CYP4F8: variants seen among roughly 807,000 people sequenced by gnomAD.
The protein encoded by CYP4F8 is cytochrome P450 family 4 subfamily F member 8, also known as cytochrome P450 4F8.
CYP4F8 carries 56 observed loss-of-function variants against 55.0 expected under a neutral mutation model. The observed-to-expected ratio is 1.02, with a 90% CI of 0.82 to 1.27. CYP4F8 has a LOEUF of 1.27. Ranked by LOEUF, CYP4F8 falls within the 50% of genes most tolerant of loss-of-function variation. CYP4F8 has a pLI of 0.00. For synonymous variants in CYP4F8, 288 were observed against 267.3 expected (o/e 1.08, Z -0.76); for missense variants, 680 against 682.4 (o/e 1.00, Z 0.04).
At chr19:15,620,888 ATT>A (rs911733786) in intron 5 of CYP4F8, among the ~76,000 whole-genome samples, 1 of 151,770 alleles carries the variant, frequency 6.6e-6, no homozygotes, top group African/African-American at 2.4e-5. Context: ...AACGACTAGG[ATT>A]TTTTTTTCTC....
chr19:15,622,035 G>T, intron 5 of CYP4F8, 184 bp from the exon 6 acceptor site: 2 of 726,190 alleles, frequency 2.8e-6, no homozygotes, highest in Non-Finnish European at 4.2e-6. Flanking sequence ...CCCAGCCATG[G>T]GATCTTCATC....
chr19:15,616,739 C>T (rs1972127754), intron 2 of CYP4F8, among the ~76,000 whole-genome samples: 1 of 152,158 alleles, frequency 6.6e-6, no homozygotes, highest in Admixed American at 6.5e-5. Flanking sequence ...GTTGCCCAAC[C>T]TGGATAAAAA....
At chr19:15,626,670 A>G (rs1043255443) in intron 9 of CYP4F8, among the ~76,000 whole-genome samples, 4 of 151,576 alleles carry the variant, frequency 2.6e-5, no homozygotes, top group African/African-American at 9.7e-5. Context: ...TGAATCTCTT[A>G]TCTCTCATTG....
chr19:15,623,663 C>T lies in CYP4F8; in HGVS notation c.919-36C>T, dbSNP rs373323906. ...ACTGTTTCAGTTTAGACTCCAGTGA[C>T]CCCAGAACTAGTGTGATTGGGGTTC... On this transcript the variant is annotated intron_variant, in intron 7 of 12. Coordinates refer to ENST00000612078, the MANE Select transcript of CYP4F8 (RefSeq NM_007253.4). 4.1e-5 allele frequency: 66 copies of T among 1,611,140 alleles called. No individual in the cohort carries two copies. The African/African-American group carries it at 6.3e-4, about 15-fold the overall frequency.
At chr19:15,626,337 G>A (rs991615237) in intron 9 of CYP4F8, among the ~76,000 whole-genome samples, 18 of 152,134 alleles carry the variant, frequency 1.2e-4, no homozygotes, top group Non-Finnish European at 2.2e-4. Flanking sequence ...GTCAGTGCAT[G>A]TGACCCCTCT....
chr19:15,616,235 C>T (rs1972119459), intron 2 of CYP4F8, among the ~76,000 whole-genome samples: 1 of 150,060 alleles, frequency 6.7e-6, no homozygotes, highest in African/African-American at 2.5e-5. Context: ...CCTCTCCTCA[C>T]CCACTCATTC....
At chr19:15,625,446 A>G (rs1972251012) in intron 9 of CYP4F8, among the ~76,000 whole-genome samples, 1 of 150,174 alleles carries the variant, frequency 6.7e-6, no homozygotes, top group Non-Finnish European at 1.5e-5. Flanking sequence ...ATGTATTTTA[A>G]GGCAACAAAT....
chr19:15,622,495 C>T (rs868068394), intron 6 of CYP4F8, among the ~76,000 whole-genome samples, 155 bp downstream of exon 6: 22 of 151,188 alleles, frequency 1.5e-4, no homozygotes, highest in Middle Eastern at 6.8e-3. Context: ...AGAGAGAGAG[C>T]GAGAGAAAGA....
intron 2 of CYP4F8, among the ~76,000 whole-genome samples, chr19:15,617,177 T>C (rs1420402175): frequency 6.6e-6 from 1 of 152,148 alleles, no homozygotes; most frequent in African/African-American, 2.4e-5. Flanking sequence ...CACGTGACTT[T>C]CCGTGGGCTG....
At position 15,629,476 on chromosome 19, in the gene CYP4F8, G is replaced by C. The variant is rs1316914825; in HGVS notation, c.*118G>C. The C allele has an allele frequency of 4.4e-6, 6 of 1,368,604 alleles. No individual in the cohort carries two copies. Among genetic ancestry groups the C allele is most frequent in the Admixed American group, 3.0e-5 (1 of 32,822 alleles). 84.8% of individuals were successfully genotyped at this position (1,368,604 alleles called of 1,614,324 possible). ...TGTGCCTCAGTCCCGCGGATGGCCA[G>C]TAGGGGGCGCTGGAGGACTGCGGGG... On this transcript the variant is annotated 3_prime_UTR_variant, in exon 13 of 13. Coordinates refer to ENST00000612078, the MANE Select transcript of CYP4F8 (RefSeq NM_007253.4).
At chr19:15,619,601 T>C in intron 4 of CYP4F8, 34 bp from the exon 5 acceptor site, 1 of 1,614,166 alleles carries the variant, frequency 6.2e-7, no homozygotes, top group South Asian at 1.1e-5. Context: ...GGGAAGATTC[T>C]GCCCTTGCCC....
At chr19:15,625,187 C>T (rs1972245853) in intron 9 of CYP4F8, among the ~76,000 whole-genome samples, 1 of 151,384 alleles carries the variant, frequency 6.6e-6, no homozygotes, top group Non-Finnish European at 1.5e-5. Flanking sequence ...ATATTTTTCA[C>T]ATTTAGAAAT....
rs1972290389 is a variant in CYP4F8 at position 15,628,433 on chromosome 19, A to G, written c.1247A>G (p.Lys416Arg). The G allele has an allele frequency of 1.2e-6, 2 of 1,613,918 alleles. No individual in the cohort carries two copies. The highest frequency in any genetic ancestry group is 1.7e-6 in the Non-Finnish European group (2 of 1,179,946). ...CTCCCAGACAGCCGAGTCATCCCCA[A>G]AGGTGCCCTCCATGGCAGGGGAGGA... ...VVLPDSRVIPKGNVCNINIFA... is the reference protein window; with the variant it reads ...VVLPDSRVIPRGNVCNINIFA... Residue 416 changes from lysine (K) to arginine (R), a missense_variant and splice_region_variant, in exon 10 of 13, where the codon AAA becomes AGA. Lys to Arg is a conservative substitution (Grantham distance 26, BLOSUM62 2). Coordinates refer to ENST00000612078, the MANE Select transcript of CYP4F8 (RefSeq NM_007253.4).
Position 15,623,248 on chromosome 19 carries a change from A to T in CYP4F8, c.791A>T (p.His264Leu). 6 of 1,614,050 alleles carry T rather than the reference A, an allele frequency of 3.7e-6. No homozygotes were observed. The South Asian group carries it at 4.4e-5, about 12-fold the overall frequency. Reference sequence around the variant, plus strand: ...TTCCACAGGGCCTGCAGACTGGTGCACGACTTCACAGATGCCGTCATCCAG... The same window carrying T: ...TTCCACAGGGCCTGCAGACTGGTGCTCGACTTCACAGATGCCGTCATCCAG... Reference protein sequence around the residue: ...RRFHRACRLVHDFTDAVIQER... With the variant: ...RRFHRACRLVLDFTDAVIQER... The change falls in exon 7 of 13, where the codon CAC becomes CTC. Residue 264 changes from histidine (H) to leucine (L), a missense_variant. Transcript: ENST00000612078.
chr19:15,617,887 C>G, intron 2 of CYP4F8, 113 bp from the exon 3 acceptor site: 1 of 1,336,148 alleles, frequency 7.5e-7, no homozygotes, highest in Non-Finnish European at 1.0e-6. Flanking sequence ...ATGCTAATCT[C>G]TCCTGAAACA....
chr19:15,628,514 C>T lies in CYP4F8; in HGVS notation c.1250-17C>T, dbSNP rs781356803. On this transcript the variant is annotated splice_polypyrimidine_tract_variant and intron_variant, in intron 10 of 12. Coordinates refer to ENST00000612078, the MANE Select transcript of CYP4F8 (RefSeq NM_007253.4). ...GCAGCTCGGACCTTGTTCTTACTGT[C>T]CTCTCCTGCACGACAGGGAATGTCT... is the stretch of plus-strand genomic sequence containing the variant. The T allele has an allele frequency of 2.5e-6, 4 of 1,613,572 alleles. No individual in the cohort carries two copies. Among genetic ancestry groups the T allele is most frequent in the African/African-American group, 2.7e-5 (2 of 74,904 alleles).
intron 9 of CYP4F8, 44 bp downstream of exon 9, chr19:15,624,138 T>C: frequency 6.3e-7 from 1 of 1,599,056 alleles, no homozygotes; most frequent in East Asian, 2.2e-5. Flanking sequence ...CCTTTCTGAG[T>C]CCTTCTCGTT....
At chr19:15,625,462 CAT>C (rs376245515) in intron 9 of CYP4F8, among the ~76,000 whole-genome samples, 1 of 148,700 alleles carries the variant, frequency 6.7e-6, no homozygotes, top group Non-Finnish European at 1.5e-5. Context: ...CAAATAAAAC[CAT>C]ATATATATAT....
chr19:15,628,792 A>C lies in CYP4F8; in HGVS notation c.1346A>C (p.Asn449Thr), dbSNP rs759949817. The C allele has an allele frequency of 6.2e-7, 1 of 1,609,664 alleles. No homozygotes were observed. Among genetic ancestry groups the C allele is most frequent in the African/African-American group, 1.3e-5 (1 of 74,140 alleles). Residue 449 changes from asparagine to threonine, a missense_variant, in exon 12 of 13, where the codon AAC becomes ACC. By Grantham distance (65) the Asn-to-Thr change is moderately conservative. Coordinates refer to ENST00000612078, the MANE Select transcript of CYP4F8 (RefSeq NM_007253.4). ...VYDPFRFDPE[N>T]AQKRSPMAFI... ...GACCCCTTCCGCTTCGACCCAGAAA[A>C]CGCCCAGAAGAGGTCACCTATGGCT... is the stretch of plus-strand genomic sequence containing the variant.
Sources: allele counts gnomAD v4.1 joint callset (sites outside exome capture counted in the v4.1 genomes callset), GRCh38; gene constraint gnomAD v4.1.1; transcripts MANE v1.5; gene names NCBI Gene and HGNC (gene_info 2026-07-23, HGNC 2026-07-21).